The following DNAH7 variants were observed in gnomAD, a reference collection of about 807,000 sequenced individuals.
DNAH7 encodes the protein dynein axonemal heavy chain 7.
Under a neutral mutation model 444.6 loss-of-function variants are expected in DNAH7, and 397 were observed. That is an observed-to-expected ratio of 0.89 (90% CI 0.82 to 0.97). DNAH7 has a LOEUF of 0.97. Among genes scored for constraint, DNAH7 ranks in the 50% least tolerant of loss-of-function variants. The probability of loss-of-function intolerance (pLI) is 0.00; values close to 1 mark genes in which losing one functional copy is unlikely to be tolerated. For missense variants in DNAH7, 4,902 were observed against 4,800.8 expected (o/e 1.02, Z -0.62); for synonymous variants, 1,636 against 1,624.4 (o/e 1.01, Z -0.17).
chr2:195,829,146 T>C (rs1337757637), intron 48 of DNAH7, among the ~76,000 whole-genome samples: 1 of 152,184 alleles, frequency 6.6e-6, no homozygotes, highest in Admixed American at 6.5e-5. Context: ...TTTGCTTTGC[T>C]TTCTATTCAC....
chr2:195,903,191 T>C (rs1686810748), intron 27 of DNAH7: 1 of 152,056 alleles, frequency 6.6e-6, no homozygotes, highest in African/African-American at 2.4e-5. Context: ...CATAAGGAAA[T>C]GTGTATACTT....
intron 48 of DNAH7, among the ~76,000 whole-genome samples, chr2:195,829,078 G>A (rs1697935947): frequency 6.6e-6 from 1 of 152,012 alleles, no homozygotes; most frequent in South Asian, 2.1e-4. Flanking sequence ...TGAAAAGTTT[G>A]TCTTTTTCTC....
At chr2:195,996,673 G>T (rs746077734) in intron 12 of DNAH7, among the ~76,000 whole-genome samples, 1 of 151,976 alleles carries the variant, frequency 6.6e-6, no homozygotes, top group Non-Finnish European at 1.5e-5. Flanking sequence ...TTATCCACCC[G>T]CCTCGCCCTC....
chr2:195,767,805 C>T (rs1292862174), intron 61 of DNAH7, among the ~76,000 whole-genome samples: 1 of 151,612 alleles, frequency 6.6e-6, no homozygotes, highest in East Asian at 1.9e-4. Flanking sequence ...GCTCTGTATT[C>T]TTAAAAAATG....
At chr2:195,831,893 C>T (rs1238490102) in intron 48 of DNAH7, among the ~76,000 whole-genome samples, 1 of 152,140 alleles carries the variant, frequency 6.6e-6, no homozygotes, top group Non-Finnish European at 1.5e-5. Flanking sequence ...TAGTTAACTA[C>T]CTTGGTTAAG....
chr2:196,028,153 A>C (rs1695808083), intron 5 of DNAH7, 106 bp from the exon 6 acceptor site: 3 of 886,560 alleles, frequency 3.4e-6, no homozygotes, highest in Non-Finnish European at 3.4e-6. Flanking sequence ...ATCATAAGGA[A>C]AAATGAATTG....
Position 195,847,504 on chromosome 2 carries a change from G to A in DNAH7, c.8782-2339C>T, listed in dbSNP as rs568688004. Among the ~76,000 whole-genome samples, 175 of 151,802 alleles carry A rather than the reference G, an allele frequency of 1.2e-3. 2 individuals are homozygous for A. Among genetic ancestry groups the A allele is most frequent in the African/African-American group, 4.0e-3 (166 of 41,366 alleles). ...TGGGGCCTACTTGAGGGTGGAGGGT[G>A]GGAGGAGGGTGAAGACTGAAAAACT... On this transcript the variant is annotated intron_variant, in intron 46 of 64. Transcript: ENST00000312428.
At chr2:196,015,624 A>G (rs1235680979) in intron 9 of DNAH7, among the ~76,000 whole-genome samples, 1 of 152,240 alleles carries the variant, frequency 6.6e-6, no homozygotes, top group Non-Finnish European at 1.5e-5. Flanking sequence ...GTAAATACCA[A>G]TAACATGAAT....
At chr2:196,012,675 T>C in intron 10 of DNAH7, 112 bp downstream of exon 10, 2 of 1,094,262 alleles carry the variant, frequency 1.8e-6, no homozygotes, top group Non-Finnish European at 1.3e-6. Context: ...TTAAATCATG[T>C]AGAAATGATT....
Position 195,881,781 on chromosome 2 carries a change from T to C in DNAH7, c.5961+14A>G. 1 of 1,609,382 alleles carries C rather than the reference T, an allele frequency of 6.2e-7. No homozygotes were observed. The highest frequency in any genetic ancestry group is 8.5e-7 in the Non-Finnish European group (1 of 1,176,128). On this transcript the variant is annotated intron_variant, in intron 36 of 64. Transcript: ENST00000312428. The stretch of plus-strand genomic sequence containing the variant: ...TTATGCACAGTTTAATACGCAGATT[T>C]CTGCAGTACTTACCGTAATGTAAAC...
chr2:195,770,975 C>A (rs979411273), intron 61 of DNAH7, among the ~76,000 whole-genome samples: 1 of 151,414 alleles, frequency 6.6e-6, no homozygotes, highest in African/African-American at 2.4e-5. Context: ...GGATTACAGG[C>A]ATGAGCCACC....
chr2:195,884,847 G>T lies in DNAH7; in HGVS notation c.5539-38C>A, dbSNP rs772001508. On this transcript the variant is annotated intron_variant, in intron 34 of 64. Transcript: ENST00000312428. ...GATGAGAAGATTAAGAACAATTAAAGAATAATTTTAATCTGTCCTTGAAGC... is the reference window on the plus strand; with the variant it reads ...GATGAGAAGATTAAGAACAATTAAATAATAATTTTAATCTGTCCTTGAAGC... 13 of 1,531,730 alleles carry T rather than the reference G, an allele frequency of 8.5e-6. No individual in the cohort carries two copies. In the South Asian group the frequency reaches 1.2e-4, roughly 14 times the overall value. The allele number at this position is 1,531,730 out of a possible 1,614,324, so 94.9% of individuals were successfully genotyped here.
chr2:195,845,253 T>C, intron 46 of DNAH7, 88 bp from the exon 47 acceptor site: 5 of 1,060,774 alleles, frequency 4.7e-6, no homozygotes, highest in Admixed American at 3.0e-5. Context: ...ACTGTATTCA[T>C]TGAGTCAACA....
At chr2:195,927,985 T>A (rs977586136) in intron 21 of DNAH7, among the ~76,000 whole-genome samples, 1 of 152,038 alleles carries the variant, frequency 6.6e-6, no homozygotes, top group African/African-American at 2.4e-5. Context: ...ATACAGGGGG[T>A]ATATGTGCAG....
chr2:195,869,951 A>C (rs1263339076), intron 40 of DNAH7, among the ~76,000 whole-genome samples: 1 of 152,214 alleles, frequency 6.6e-6, no homozygotes, highest in Admixed American at 6.5e-5. Flanking sequence ...AAAACTCAAT[A>C]ATCTGACATC....
chr2:195,799,281 T>C lies in DNAH7; in HGVS notation c.10353+15A>G, dbSNP rs1468629682. 2 of 1,479,148 alleles carry C rather than the reference T, an allele frequency of 1.4e-6. No individual in the cohort carries two copies. Among genetic ancestry groups the C allele is most frequent in the Admixed American group, 2.3e-5 (1 of 42,942 alleles). The allele number at this position is 1,479,148 out of a possible 1,614,324, so 91.6% of individuals were successfully genotyped here. On this transcript the variant is annotated intron_variant, in intron 55 of 64. Coordinates refer to ENST00000312428, the MANE Select transcript of DNAH7 (RefSeq NM_018897.3). ...TTTAAAATAATATCCGATAACTTCATCTATTGTAAGGTACCTGGTCATCAG... is the reference window on the plus strand; with the variant it reads ...TTTAAAATAATATCCGATAACTTCACCTATTGTAAGGTACCTGGTCATCAG...
At chr2:196,034,816 C>T (rs1348474411) in intron 5 of DNAH7, among the ~76,000 whole-genome samples, 1 of 152,090 alleles carries the variant, frequency 6.6e-6, no homozygotes, top group Non-Finnish European at 1.5e-5. Flanking sequence ...AACATCAAAC[C>T]GTACCTTACA....
Position 195,923,745 on chromosome 2 carries a change from A to G in DNAH7, c.3675T>C (p.Arg1225=). The part of the protein sequence containing the change: ...RQIDDIVTLV[R]GKLSMQNRVT... ...CGCGATTCTGCATGGACAATTTGCC[A>G]CGCACCAAAGTGACAATATCATCAA... The change falls in exon 23 of 65, where the codon CGT becomes CGC. Residue 1225 remains arginine (R), a synonymous_variant. Transcript: ENST00000312428. 6.2e-7 allele frequency: 1 copy of G among 1,614,156 alleles called. No homozygotes were observed. Among genetic ancestry groups the G allele is most frequent in the Non-Finnish European group, 8.5e-7 (1 of 1,180,014 alleles).
rs564534288 is a variant in DNAH7 at position 195,760,787 on chromosome 2, C to T, written c.11434-4502G>A. ...AAACTTAGATCACAACATCCAAGTC[C>T]CTTCAAATATCTGGAAAGCCTTCCC... On this transcript the variant is annotated intron_variant, in intron 61 of 64. Transcript: ENST00000312428. Among the ~76,000 whole-genome samples the T allele has an allele frequency of 3.9e-5, 6 of 152,096 alleles. No homozygotes were observed. The East Asian group carries it at 1.2e-3, about 30-fold the overall frequency.
Sources: gnomAD v4.1 joint callset for allele counts (sites outside exome capture counted in the v4.1 genomes callset) on GRCh38, gnomAD v4.1.1 for gene constraint, MANE v1.5 for transcripts, NCBI Gene and HGNC (gene_info 2026-07-23, HGNC 2026-07-21) for gene names.